SPTB: variants seen among roughly 807,000 people sequenced by gnomAD.
The protein encoded by SPTB is spectrin beta chain, erythrocytic.
A neutral mutation model predicts 256.2 loss-of-function variants in SPTB; 45 were observed. The ratio of observed to expected loss-of-function variants is 0.18; its 90% CI spans 0.14 to 0.23. The LOEUF is 0.23. Ranked by LOEUF, SPTB falls within the 10% of genes least tolerant of loss-of-function variation. The pLI is 1.00. For synonymous variants in SPTB, 1,231 were observed against 1,243.1 expected, an observed-to-expected ratio of 0.99 and a Z score of 0.21; for missense variants, 2,715 against 3,040.4, an observed-to-expected ratio of 0.89 and a Z score of 2.52.
chr14:64,785,417 G>T lies in SPTB; in HGVS notation c.3855+120C>A. On this transcript the variant is annotated intron_variant, in intron 18 of 35. Coordinates refer to ENST00000644917, the MANE Select transcript of SPTB (RefSeq NM_001355436.2). This position sits in a 1 kb window ranked among gnomAD's most constrained non-coding sequence, Gnocchi z 4.4. The stretch of plus-strand genomic sequence containing the variant: ...CCCAATTAAGTACCCAGAGGTCCCC[G>T]CTCATGGAATCCCACAGCTCTTGAG... 1 of 879,506 alleles carries T rather than the reference G, an allele frequency of 1.1e-6. No homozygotes were observed. Among genetic ancestry groups the T allele is most frequent in the Non-Finnish European group, 1.8e-6 (1 of 544,730 alleles). The allele number at this position is 879,506 out of a possible 1,614,324, so 54.5% of individuals were successfully genotyped here.
Position 64,795,872 on chromosome 14 carries a change from C to T in SPTB, c.1342-233G>A, listed in dbSNP as rs2269301. On this transcript the variant is annotated intron_variant, in intron 11 of 35. Coordinates refer to ENST00000644917, the MANE Select transcript of SPTB (RefSeq NM_001355436.2). This position sits in a 1 kb window ranked among gnomAD's most constrained non-coding sequence, Gnocchi z 6.5. Reference sequence around the variant, plus strand: ...TCATGATTTTACTCCCCGTGCCACCCGCGTGGGAGATGCAGCCTGCGTGTT... The same window carrying T: ...TCATGATTTTACTCCCCGTGCCACCTGCGTGGGAGATGCAGCCTGCGTGTT... Among the ~76,000 whole-genome samples the T allele has an allele frequency of 0.074, 11,195 of 152,154 alleles. 808 individuals carry two copies. Among genetic ancestry groups the T allele is most frequent in the East Asian group, 0.37 (1,912 of 5,166 alleles).
chr14:64,748,936 CTTTTTTTT>C lies in SPTB; in HGVS notation c.*362_*369del, dbSNP rs34353769. 2.3e-5 allele frequency: 3 copies of C among 128,776 alleles called. No individual in the cohort carries two copies. Among genetic ancestry groups the C allele is most frequent in the South Asian group, 2.2e-4 (1 of 4,454 alleles). The allele number at this position is 128,776 out of a possible 1,614,324, so 8.0% of individuals were successfully genotyped here. On this transcript the variant is annotated 3_prime_UTR_variant, in exon 36 of 36. Transcript: ENST00000644917. ...AGAACCCCATCAGCCTTCTCCAGCTCTTTTTTTTTTTTTTTTTTGGTTGGGGGTAAGGG... is the reference window on the plus strand; with the variant it reads ...AGAACCCCATCAGCCTTCTCCAGCTCTTTTTTTTTTGGTTGGGGGTAAGGG...
intron 3 of SPTB, 27 bp from the exon 4 acceptor site, chr14:64,803,807 G>A (rs1285410067): frequency 6.3e-7 from 1 of 1,584,442 alleles, no homozygotes; most frequent in African/African-American, 1.3e-5. Context: ...GCCCCCGTGG[G>A]CATGGAGGGA....
intron 24 of SPTB, among the ~76,000 whole-genome samples, 176 bp from the exon 25 acceptor site, chr14:64,773,600 C>T (rs985817720): frequency 1.3e-5 from 2 of 152,214 alleles, no homozygotes; most frequent in African/African-American, 4.8e-5. Context: ...AGGGGCCACA[C>T]CCTAGCCTCA....
chr14:64,766,789 C>T lies in SPTB; in HGVS notation c.6282G>A (p.Glu2094=), dbSNP rs2082190949. The T allele has an allele frequency of 6.2e-7, 1 of 1,611,914 alleles. No individual in the cohort carries two copies. Among genetic ancestry groups the T allele is most frequent in the African/African-American group, 1.3e-5 (1 of 74,864 alleles). Residue 2094 remains glutamate, a synonymous_variant, in exon 32 of 36, where the codon GAG becomes GAA. Coordinates refer to ENST00000644917, the MANE Select transcript of SPTB (RefSeq NM_001355436.2). ...GAGCCTCCCCTGCTGTCTCGCCTTC[C>T]TCCTCTTGAGGCCTAAGGAAGACAC... is the stretch of plus-strand genomic sequence containing the variant. ...RPAEETGPQE[E]EGETAGEAPV... is the part of the protein sequence containing the mutation.
intron 1 of SPTB, among the ~76,000 whole-genome samples, chr14:64,860,613 G>T (rs1056239003): frequency 2.6e-5 from 4 of 151,990 alleles, no homozygotes; most frequent in African/African-American, 4.8e-5. Context: ...AAAAAGGATC[G>T]AGCCTGCCTC....
At chr14:64,854,170 C>T (rs1285668467) in intron 1 of SPTB, among the ~76,000 whole-genome samples, 1 of 150,740 alleles carries the variant, frequency 6.6e-6, no homozygotes, top group African/African-American at 2.4e-5. Context: ...CCAGCCTGGG[C>T]GACAGAGTGA....
intron 1 of SPTB, among the ~76,000 whole-genome samples, chr14:64,859,910 A>T (rs1331773926): frequency 3.3e-5 from 5 of 152,142 alleles, no homozygotes; most frequent in Non-Finnish European, 7.3e-5. Context: ...TGATCAGAAA[A>T]AAAAAAATTA....
At position 64,750,171 on chromosome 14, in the gene SPTB, A is replaced by T. The variant is rs1453306229; in HGVS notation, c.6603-17T>A. On this transcript the variant is annotated splice_polypyrimidine_tract_variant and intron_variant, in intron 33 of 35. Coordinates refer to ENST00000644917, the MANE Select transcript of SPTB (RefSeq NM_001355436.2). ...TTCCAGGACCTGCAAAGATGCAGAC[A>T]GGCAGGTCACCCACATCCTGATATG... The T allele has an allele frequency of 1.2e-6, 2 of 1,608,764 alleles. No homozygotes were observed. The highest frequency in any genetic ancestry group is 1.7e-6 in the Non-Finnish European group (2 of 1,175,594).
chr14:64,803,408 A>C (rs1035503218), intron 4 of SPTB, among the ~76,000 whole-genome samples, 199 bp downstream of exon 4: 1 of 152,212 alleles, frequency 6.6e-6, no homozygotes, highest in Non-Finnish European at 1.5e-5. Context: ...CTGAGTGAGC[A>C]GCTCCCCCTG....
chr14:64,827,984 T>C lies in SPTB; in HGVS notation c.-51-4839A>G, dbSNP rs1264002132. On this transcript the variant is annotated intron_variant, in intron 1 of 35. Coordinates refer to ENST00000644917, the MANE Select transcript of SPTB (RefSeq NM_001355436.2). This position sits in a 1 kb window ranked among gnomAD's most constrained non-coding sequence, Gnocchi z 4.6. ...CAGTTCCTGGACAAGCCACTTCCCC[T>C]CCCCAGAGCACATTCTGCTTTTTCA... is the stretch of plus-strand genomic sequence containing the variant. Among the ~76,000 whole-genome samples, 6 of 152,114 alleles carry C rather than the reference T, an allele frequency of 3.9e-5. No individual in the cohort carries two copies. The highest frequency in any genetic ancestry group is 3.9e-4 in the Admixed American group (6 of 15,274).
Position 64,786,839 on chromosome 14 carries a change from C to T in SPTB, c.3126G>A (p.Leu1042=). 6.2e-7 allele frequency: 1 copy of T among 1,613,758 alleles called. No individual in the cohort carries two copies. The highest frequency in any genetic ancestry group is 8.5e-7 in the Non-Finnish European group (1 of 1,180,040). Residue 1042 remains leucine (L), a synonymous_variant, in exon 16 of 36, where the codon CTG becomes CTA. Transcript: ENST00000644917. The surrounding 1 kb of genome is among the most constrained non-coding windows in gnomAD (Gnocchi z 5.6). The part of the protein sequence containing the change: ...IGQRQKHLEE[L]WQGLQQSLQG... ...GCAGGGATTGCTGCAGGCCCTGCCA[C>T]AGCTCCTCCAAGTGTTTTTGCCGCT...
intron 32 of SPTB, among the ~76,000 whole-genome samples, chr14:64,762,533 C>T (rs1387179270): frequency 1.3e-5 from 2 of 152,222 alleles, no homozygotes; most frequent in East Asian, 3.8e-4. Context: ...CTCAGCGCCT[C>T]ACGTTCGTAA....
chr14:64,782,642 G>A, intron 19 of SPTB, 89 bp from the exon 20 acceptor site: 2 of 1,579,946 alleles, frequency 1.3e-6, no homozygotes, highest in Non-Finnish European at 1.7e-6. Flanking sequence ...GGCTACCCAA[G>A]AGGAGGTCAG....
intron 19 of SPTB, 33 bp downstream of exon 19, chr14:64,784,214 A>G: frequency 6.2e-7 from 1 of 1,613,726 alleles, no homozygotes; most frequent in Non-Finnish European, 8.5e-7. Context: ...ATCTGAGCAG[A>G]GCACCCACCC....
At chr14:64,814,015 G>T (rs1344793178) in intron 2 of SPTB, among the ~76,000 whole-genome samples, 1 of 152,216 alleles carries the variant, frequency 6.6e-6, no homozygotes, top group African/African-American at 2.4e-5. Flanking sequence ...CATCACACTG[G>T]TTTTGTGAAC....
At chr14:64,861,059 T>C (rs2083959373) in intron 1 of SPTB, among the ~76,000 whole-genome samples, 2 of 152,174 alleles carry the variant, frequency 1.3e-5, no homozygotes, top group African/African-American at 4.8e-5. Context: ...GGGACTTGGA[T>C]GAAGCTGGAA....
intron 2 of SPTB, among the ~76,000 whole-genome samples, chr14:64,808,866 A>G (rs905760296): frequency 2.6e-5 from 4 of 151,986 alleles, no homozygotes; most frequent in East Asian, 1.9e-4. Flanking sequence ...GTCATTTCCA[A>G]TTGGAGTGGT....
intron 1 of SPTB, among the ~76,000 whole-genome samples, chr14:64,864,760 C>A (rs1882062240): frequency 6.6e-6 from 1 of 152,032 alleles, no homozygotes. Flanking sequence ...TATTTTTACC[C>A]TGGGTAAAAA....
Sources: gnomAD v4.1 joint callset for allele counts (sites outside exome capture counted in the v4.1 genomes callset) on GRCh38, gnomAD v4.1.1 for gene constraint, Gnocchi (gnomAD v3.1) non-coding constraint, MANE v1.5 for transcripts, NCBI Gene and HGNC (gene_info 2026-07-23, HGNC 2026-07-21) for gene names.